Variants in PDSS2 observed in about 807,000 individuals in gnomAD.
PDSS2 encodes all trans-polyprenyl-diphosphate synthase PDSS2.
Under a neutral mutation model 44.5 loss-of-function variants are expected in PDSS2, and 31 were observed. The ratio of observed to expected loss-of-function variants is 0.70; its 90% CI spans 0.52 to 0.94. The LOEUF (loss-of-function observed/expected upper bound fraction) is 0.94. PDSS2 is among the 40% of genes least tolerant of loss of function. The pLI, the probability that PDSS2 is intolerant of heterozygous loss-of-function variation, is 0.00. For missense variants in PDSS2, 452 were observed against 482.2 expected (o/e 0.94, Z 0.59); for synonymous variants, 157 against 180.3 (o/e 0.87, Z 1.03).
chr6:107,413,675 G>C (rs771137287), intron 1 of PDSS2, among the ~76,000 whole-genome samples: 7 of 152,198 alleles, frequency 4.6e-5, no homozygotes, highest in Non-Finnish European at 1.0e-4. Flanking sequence ...ATGTTGGCCA[G>C]GCTGATCTTG....
chr6:107,173,587 A>AAAAC (rs1306376717), intron 7 of PDSS2, among the ~76,000 whole-genome samples: 1 of 149,948 alleles, frequency 6.7e-6, no homozygotes, highest in Non-Finnish European at 1.5e-5. Flanking sequence ...AAAAAAAAAA[A>AAAAC]AAAAAAAAAA....
chr6:107,308,735 C>T (rs1776940901), intron 2 of PDSS2, among the ~76,000 whole-genome samples: 1 of 152,004 alleles, frequency 6.6e-6, no homozygotes, highest in African/African-American at 2.4e-5. Context: ...CCCTACTCTC[C>T]ATGCCATGCA....
At chr6:107,234,353 G>C (rs201234268) in intron 4 of PDSS2, among the ~76,000 whole-genome samples, 1 of 151,900 alleles carries the variant, frequency 6.6e-6, no homozygotes, top group Admixed American at 6.6e-5. Context: ...CTATAGGCGC[G>C]TGCCACTATG....
chr6:107,372,820 G>C (rs1562495211), intron 1 of PDSS2, among the ~76,000 whole-genome samples: 1 of 151,988 alleles, frequency 6.6e-6, no homozygotes, highest in Non-Finnish European at 1.5e-5. Context: ...GTTGATATTA[G>C]GTTCTAATCA....
chr6:107,354,563 T>A (rs1350348650), intron 1 of PDSS2, among the ~76,000 whole-genome samples: 1 of 152,216 alleles, frequency 6.6e-6, no homozygotes, highest in African/African-American at 2.4e-5. Context: ...ATGTGATTAG[T>A]CTGGCAGTGA....
intron 7 of PDSS2, among the ~76,000 whole-genome samples, chr6:107,171,208 C>G (rs1771562737): frequency 6.6e-6 from 1 of 152,244 alleles, no homozygotes; most frequent in Non-Finnish European, 1.5e-5. Context: ...GTCACCTAGG[C>G]TGAAGTGCAG....
intron 6 of PDSS2, among the ~76,000 whole-genome samples, chr6:107,209,118 T>G (rs1463608825): frequency 2.0e-5 from 3 of 152,202 alleles, no homozygotes; most frequent in African/African-American, 7.2e-5. Context: ...TTGTCAAGTA[T>G]ATTGATTATA....
intron 1 of PDSS2, among the ~76,000 whole-genome samples, chr6:107,357,136 C>T (rs962728507): frequency 6.6e-6 from 1 of 152,072 alleles, no homozygotes; most frequent in African/African-American, 2.4e-5. Flanking sequence ...TTTAAATATG[C>T]GCACAGGAGA....
intron 2 of PDSS2, among the ~76,000 whole-genome samples, chr6:107,287,288 C>T (rs1326008194): frequency 2.0e-5 from 3 of 152,134 alleles, no homozygotes; most frequent in Admixed American, 6.5e-5. Flanking sequence ...TTGCCACAGT[C>T]TCCACCACTT....
intron 7 of PDSS2, among the ~76,000 whole-genome samples, chr6:107,160,520 AT>A (rs36012114): frequency 0.097 from 14,431 of 149,296 alleles, 789 homozygotes; most frequent in East Asian, 0.16. Flanking sequence ...GCTAATTTAA[AT>A]TTTTTTTTTT....
intron 2 of PDSS2, among the ~76,000 whole-genome samples, chr6:107,275,056 T>C (rs1302406359): frequency 3.3e-5 from 5 of 152,172 alleles, no homozygotes; most frequent in Non-Finnish European, 7.4e-5. Flanking sequence ...AAGGACTTTT[T>C]AACTTTCAGA....
At chr6:107,172,714 C>T (rs1771622382) in intron 7 of PDSS2, among the ~76,000 whole-genome samples, 1 of 151,738 alleles carries the variant, frequency 6.6e-6, no homozygotes, top group African/African-American at 2.4e-5. Flanking sequence ...GTGGTGGCAG[C>T]CCCAGGATAA....
chr6:107,252,566 TAAAC>T (rs1431910662), intron 3 of PDSS2, among the ~76,000 whole-genome samples: 13 of 152,234 alleles, frequency 8.5e-5, no homozygotes, highest in African/African-American at 9.6e-5. Context: ...CATTGGTTCA[TAAAC>T]TAACTACTGG....
At chr6:107,265,804 G>T (rs1028281671) in intron 3 of PDSS2, among the ~76,000 whole-genome samples, 1 of 152,168 alleles carries the variant, frequency 6.6e-6, no homozygotes, top group East Asian at 1.9e-4. Context: ...GCCAGATGTG[G>T]TGGTGGGCAC....
At chr6:107,303,621 AC>A (rs1776766347) in intron 2 of PDSS2, among the ~76,000 whole-genome samples, 1 of 152,220 alleles carries the variant, frequency 6.6e-6, no homozygotes, top group African/African-American at 2.4e-5. Context: ...TAGTTTGAAG[AC>A]TTTTCTATGT....
chr6:107,424,908 C>T (rs2114719543), intron 1 of PDSS2, among the ~76,000 whole-genome samples: 1 of 152,232 alleles, frequency 6.6e-6, no homozygotes, highest in East Asian at 1.9e-4. Context: ...TTGTAATTCC[C>T]ACAATTCCCA....
chr6:107,425,551 T>C (rs1318724048), intron 1 of PDSS2, among the ~76,000 whole-genome samples: 1 of 152,188 alleles, frequency 6.6e-6, no homozygotes, highest in African/African-American at 2.4e-5. Flanking sequence ...TAGGGTATCT[T>C]GTAGAAGAAA....
At chr6:107,311,749 G>C (rs1241573849) in intron 2 of PDSS2, among the ~76,000 whole-genome samples, 3 of 152,166 alleles carry the variant, frequency 2.0e-5, no homozygotes, top group African/African-American at 7.2e-5. Flanking sequence ...TGTAGATCTT[G>C]GCTAAATGAT....
At chr6:107,203,871 T>A (rs547423394) in intron 6 of PDSS2, among the ~76,000 whole-genome samples, 2 of 152,214 alleles carry the variant, frequency 1.3e-5, no homozygotes, top group African/African-American at 4.8e-5. Flanking sequence ...CTATGATTTG[T>A]CTACTCTGGA....
Sources: gnomAD v4.1 joint callset for allele counts (sites outside exome capture counted in the v4.1 genomes callset) on GRCh38, gnomAD v4.1.1 for gene constraint, MANE v1.5 for transcripts, NCBI Gene and HGNC (gene_info 2026-07-23, HGNC 2026-07-21) for gene names.